The following ZNF250 variants were observed in gnomAD, a reference collection of about 807,000 sequenced individuals.
ZNF250 encodes zinc finger protein (clone 647).
A neutral mutation model predicts 37.1 loss-of-function variants in ZNF250; 13 were observed. The observed-to-expected ratio is 0.35, with a 90% CI of 0.23 to 0.56. The LOEUF (loss-of-function observed/expected upper bound fraction) is 0.56, where lower values mean the gene tolerates loss of function less well. Ranked by LOEUF, ZNF250 falls within the 20% of genes least tolerant of loss-of-function variation. The pLI is 0.87. For missense variants in ZNF250, 474 were observed against 697.9 expected, an observed-to-expected ratio of 0.68 and a Z score of 3.61; for synonymous variants, 251 against 265.6, an observed-to-expected ratio of 0.94 and a Z score of 0.54.
chr8:144,882,119 A>T lies in ZNF250; in HGVS notation c.1064T>A (p.Ile355Asn), dbSNP rs902177214. 14 of 1,613,666 alleles carry T rather than the reference A, an allele frequency of 8.7e-6. No individual in the cohort carries two copies. The highest frequency in any genetic ancestry group is 1.1e-5 in the Non-Finnish European group (13 of 1,179,956). ...CGTGTAGGGCTTCTCCCCGGTGTGG[A>T]TCCTCTGGTGCTGCAGCAGTGTCCT... Reference protein sequence around the residue: ...VKRTLLQHQRIHTGEKPYTCS... With the variant: ...VKRTLLQHQRNHTGEKPYTCS... The change falls in exon 6 of 6, where the codon ATC becomes AAC. Residue 355 changes from isoleucine to asparagine, a missense_variant. By Grantham distance (149) the Ile-to-Asn change is moderately radical. Coordinates refer to ENST00000417550, the MANE Select transcript of ZNF250 (RefSeq NM_001109689.4). The surrounding 1 kb of genome is among the most constrained non-coding windows in gnomAD (Gnocchi z 5.5).
chr8:144,894,206 C>A (rs1276839540), intron 1 of ZNF250, among the ~76,000 whole-genome samples: 2 of 152,098 alleles, frequency 1.3e-5, no homozygotes, highest in Non-Finnish European at 2.9e-5. Context: ...ACATCCAGAA[C>A]CTGACCATGT....
chr8:144,885,251 C>G (rs570960925), intron 5 of ZNF250, among the ~76,000 whole-genome samples: 1 of 152,202 alleles, frequency 6.6e-6, no homozygotes, highest in East Asian at 1.9e-4. Flanking sequence ...TCCCAAGTAG[C>G]TGGGATTACA....
Position 144,891,441 on chromosome 8 carries a change from C to T in ZNF250, c.-54-1038G>A, listed in dbSNP as rs1335584891. Among the ~76,000 whole-genome samples, 6 of 152,110 alleles carry T rather than the reference C, an allele frequency of 3.9e-5. No homozygotes were observed. Among genetic ancestry groups the T allele is most frequent in the Admixed American group, 1.3e-4 (2 of 15,260 alleles). On this transcript the variant is annotated intron_variant, in intron 1 of 5. Transcript: ENST00000417550. This position sits in a 1 kb window ranked among gnomAD's most constrained non-coding sequence, Gnocchi z 4.0. ...CTATAAAACATCAGATATAGGTGGG[C>T]GCGGTGGCTCATACCTGTAATCTCA...
intron 4 of ZNF250, among the ~76,000 whole-genome samples, chr8:144,887,449 T>C (rs1446229152): frequency 6.6e-6 from 1 of 151,986 alleles, no homozygotes; most frequent in Non-Finnish European, 1.5e-5. Flanking sequence ...GTGATCCAGG[T>C]TGTGGCAGGT....
chr8:144,889,685 C>A lies in ZNF250; in HGVS notation c.179G>T (p.Gly60Val). 1 of 1,613,770 alleles carries A rather than the reference C, an allele frequency of 6.2e-7. No individual in the cohort carries two copies. The highest frequency in any genetic ancestry group is 8.5e-7 in the Non-Finnish European group (1 of 1,179,824). Residue 60 changes from glycine (G) to valine (V), a missense_variant, in exon 4 of 6, where the codon GGA becomes GTA. Physicochemically the swap from Gly to Val is moderately radical, Grantham distance 109. Coordinates refer to ENST00000417550, the MANE Select transcript of ZNF250 (RefSeq NM_001109689.4). ...YGNVVSLGLP[G>V]SKPDIISQLE... The stretch of plus-strand genomic sequence containing the variant: ...CTGGGAGATTATGTCAGGCTTGGAT[C>A]CTGGAAGTCCTGCTCGTGGGGAGGG...
At position 144,879,204 on chromosome 8, in the gene ZNF250, A is replaced by C. The variant is rs1482271527; in HGVS notation, c.*2311T>G. On this transcript the variant is annotated 3_prime_UTR_variant, in exon 6 of 6. Transcript: ENST00000417550. ...GTGATCTCAGTCCCTCTGAAGTAAC[A>C]CCTCAGTAATATTAGTTCCTCTGGA... 6.6e-6 allele frequency: 1 copy of C among 152,200 alleles called. No individual in the cohort carries two copies. The highest frequency in any genetic ancestry group is 1.5e-5 in the Non-Finnish European group (1 of 68,032). The allele number at this position is 152,200 out of a possible 1,614,324, so 9.4% of individuals were successfully genotyped here.
At position 144,882,204 on chromosome 8, in the gene ZNF250, C is replaced by A; in HGVS notation, c.979G>T (p.Val327Leu). The A allele has an allele frequency of 6.2e-7, 1 of 1,614,044 alleles. No individual in the cohort carries two copies. Among genetic ancestry groups the A allele is most frequent in the Non-Finnish European group, 8.5e-7 (1 of 1,180,008 alleles). ...HSTVLRSHQR[V>L]HTGEKPHRCN... ...CTGTGAGGCTTCTCCCCAGTGTGTA[C>A]CCTCTGGTGGCTCCGCAGAACAGTG... Residue 327 changes from valine (V) to leucine (L), a missense_variant, in exon 6 of 6, where the codon GTA (valine) becomes TTA (leucine). Around this residue, in one of 2 missense-constraint regions of ZNF250, gnomAD observed 282 missense variants for 470.4 expected, o/e 0.60. Coordinates refer to ENST00000417550, the MANE Select transcript of ZNF250 (RefSeq NM_001109689.4). The surrounding 1 kb of genome is among the most constrained non-coding windows in gnomAD (Gnocchi z 5.5).
chr8:144,890,199 G>A lies in ZNF250; in HGVS notation c.42+109C>T. 1 of 1,496,608 alleles carries A rather than the reference G, an allele frequency of 6.7e-7. No homozygotes were observed. Among genetic ancestry groups the A allele is most frequent in the African/African-American group, 1.4e-5 (1 of 72,226 alleles). 92.7% of individuals were successfully genotyped at this position (1,496,608 alleles called of 1,614,324 possible). A position where few individuals can be genotyped will look rare whatever the true frequency, so the allele number is the denominator to read the frequency against. ...GTGGGTGATGGGAAGGGGCCGCGGA[G>A]TTCAGGGCATGTGGTGACGCTCTGG... On this transcript the variant is annotated intron_variant, in intron 2 of 5. Coordinates refer to ENST00000417550, the MANE Select transcript of ZNF250 (RefSeq NM_001109689.4). This position sits in a 1 kb window ranked among gnomAD's most constrained non-coding sequence, Gnocchi z 5.1.
rs778420926 is a variant in ZNF250, at chr8:144,890,194, G to A, written c.42+114C>T. ...CTGAGGTGGGTGATGGGAAGGGGCCGCGGAGTTCAGGGCATGTGGTGACGC... is the reference window on the plus strand; with the variant it reads ...CTGAGGTGGGTGATGGGAAGGGGCCACGGAGTTCAGGGCATGTGGTGACGC... On this transcript the variant is annotated intron_variant, in intron 2 of 5. Transcript: ENST00000417550. The surrounding 1 kb of genome is among the most constrained non-coding windows in gnomAD (Gnocchi z 5.1). The A allele has an allele frequency of 1.3e-5, 19 of 1,494,556 alleles. No homozygotes were observed. Among genetic ancestry groups the A allele is most frequent in the Admixed American group, 3.9e-5 (2 of 51,080 alleles). The allele number at this position is 1,494,556 out of a possible 1,614,324, so 92.6% of individuals were successfully genotyped here.
chr8:144,890,079 T>G lies in ZNF250; in HGVS notation c.43-20A>C, dbSNP rs754288449. 20 of 1,608,442 alleles carry G rather than the reference T, an allele frequency of 1.2e-5. No homozygotes were observed. The Admixed American group carries it at 2.2e-4, about 18-fold the overall frequency. On this transcript the variant is annotated intron_variant, in intron 2 of 5. Coordinates refer to ENST00000417550, the MANE Select transcript of ZNF250 (RefSeq NM_001109689.4). The surrounding 1 kb of genome is among the most constrained non-coding windows in gnomAD (Gnocchi z 5.1). Reference sequence around the variant, plus strand: ...CTTGGCCTGGAACGACAGGGGCTGCTGCAGGTAAAACCAAATCCTGATGTC... The same window carrying G: ...CTTGGCCTGGAACGACAGGGGCTGCGGCAGGTAAAACCAAATCCTGATGTC...
chr8:144,886,951 G>T (rs1382416000), intron 4 of ZNF250, 49 bp from the exon 5 acceptor site: 1 of 1,572,004 alleles, frequency 6.4e-7, no homozygotes, highest in South Asian at 1.1e-5. Flanking sequence ...CTCCCTTCAA[G>T]AGTGGAAAAT....
chr8:144,889,604 T>TGGCTCTTCTTAGCCCCC lies in ZNF250; in HGVS notation c.243_259dup (p.Gln87ArgfsTer48). On this transcript the variant is annotated frameshift_variant, in exon 4 of 6. Transcript: ENST00000417550. LOFTEE classifies it high-confidence loss of function. ...ACCTGAGTAGTCACTCCACAGGCCC[T>TGGCTCTTCTTAGCCCCC]GGCTCTTCTTAGCCCCCTTCCTGTC... 2 of 1,614,012 alleles carry TGGCTCTTCTTAGCCCCC rather than the reference T, an allele frequency of 1.2e-6. No individual in the cohort carries two copies. Among genetic ancestry groups the TGGCTCTTCTTAGCCCCC allele is most frequent in the Non-Finnish European group, 1.7e-6 (2 of 1,179,874 alleles).
At chr8:144,899,503 T>C (rs779096713) in intron 1 of ZNF250, among the ~76,000 whole-genome samples, 1 of 152,246 alleles carries the variant, frequency 6.6e-6, no homozygotes, top group Admixed American at 6.5e-5. Flanking sequence ...ATCCCATAAA[T>C]GTGTATAATT....
In ZNF250 at chr8:144,881,300, A is replaced by G. The variant is rs1481781622; in HGVS notation, c.*215T>C. The G allele has an allele frequency of 1.0e-5, 6 of 572,134 alleles. No individual in the cohort carries two copies. In the East Asian group the frequency reaches 1.3e-4, roughly 12 times the overall value. The allele number at this position is 572,134 out of a possible 1,614,324, so 35.4% of individuals were successfully genotyped here. A position where few individuals can be genotyped will look rare whatever the true frequency, so the allele number is the denominator to read the frequency against. ...TACAATTGTATGATTACTCTCCAAC[A>G]TAACTTCAAGATGTTGAGGAAAATA... On this transcript the variant is annotated 3_prime_UTR_variant, in exon 6 of 6. Coordinates refer to ENST00000417550, the MANE Select transcript of ZNF250 (RefSeq NM_001109689.4).
At chr8:144,898,310 C>A (rs1018522664) in intron 1 of ZNF250, among the ~76,000 whole-genome samples, 3 of 150,996 alleles carry the variant, frequency 2.0e-5, no homozygotes, top group Admixed American at 2.0e-4. Context: ...AGAAAAAAAG[C>A]AAATAAACAA....
Position 144,889,632 on chromosome 8 carries a change from G to T in ZNF250, c.232C>A (p.Leu78Met), listed in dbSNP as rs1255675675. 1 of 1,614,004 alleles carries T rather than the reference G, an allele frequency of 6.2e-7. No individual in the cohort carries two copies. Among genetic ancestry groups the T allele is most frequent in the South Asian group, 1.1e-5 (1 of 91,080 alleles). ...CTCTTCTTAGCCCCCTTCCTGTCCA[G>T]GACCCAGGGATCTTCCCCTCGCTCC... ...QLERGEDPWV[L>M]DRKGAKKSQG... The change falls in exon 4 of 6, where the codon CTG becomes ATG. Residue 78 changes from leucine (L) to methionine (M), a missense_variant. Coordinates refer to ENST00000417550, the MANE Select transcript of ZNF250 (RefSeq NM_001109689.4).
intron 5 of ZNF250, among the ~76,000 whole-genome samples, chr8:144,883,464 T>C (rs1831646318): frequency 6.6e-6 from 1 of 152,036 alleles, no homozygotes; most frequent in Non-Finnish European, 1.5e-5. Flanking sequence ...CTCAGCCTCC[T>C]GAGTAACTGG....
intron 1 of ZNF250, among the ~76,000 whole-genome samples, chr8:144,900,678 G>A (rs1833039122): frequency 1.3e-5 from 2 of 152,176 alleles, no homozygotes; most frequent in South Asian, 4.1e-4. Flanking sequence ...AGCATCGACA[G>A]CAAAATGGGG....
intron 1 of ZNF250, among the ~76,000 whole-genome samples, chr8:144,898,138 A>C (rs1056514044): frequency 6.6e-6 from 1 of 152,144 alleles, no homozygotes; most frequent in African/African-American, 2.4e-5. Context: ...CTCTTCTAAA[A>C]ATACAAAAAT....
Sources: gnomAD v4.1 joint callset for allele counts (sites outside exome capture counted in the v4.1 genomes callset) on GRCh38, gnomAD v4.1.1 for gene constraint, gnomAD v4.1.1 regional missense constraint, Gnocchi (gnomAD v3.1) non-coding constraint, MANE v1.5 for transcripts, NCBI Gene and HGNC (gene_info 2026-07-23, HGNC 2026-07-21) for gene names.